Variants in ERBB3 observed in about 807,000 individuals in gnomAD.
ERBB3 encodes the protein erb-b2 receptor tyrosine kinase 3, also known as receptor tyrosine-protein kinase erbB-3.
ERBB3 carries 96 observed loss-of-function variants against 156.7 expected under a neutral mutation model. The observed-to-expected ratio is 0.61, with a 90% CI of 0.52 to 0.73. The LOEUF (loss-of-function observed/expected upper bound fraction) is 0.73, where lower values mean the gene tolerates loss of function less well. Among genes scored for constraint, ERBB3 ranks in the 30% least tolerant of loss-of-function variants. The pLI, the probability that ERBB3 is intolerant of heterozygous loss-of-function variation, is 0.00. For missense variants in ERBB3, 1,406 were observed against 1,709.4 expected, an observed-to-expected ratio of 0.82 and a Z score of 3.13; for synonymous variants, 567 against 632.0, an observed-to-expected ratio of 0.90 and a Z score of 1.54.
chr12:56,086,287 T>C (rs1476658036), intron 3 of ERBB3, among the ~76,000 whole-genome samples: 1 of 152,060 alleles, frequency 6.6e-6, no homozygotes, highest in East Asian at 1.9e-4. Context: ...TCTCCCTCTC[T>C]CCCTTCCCCT....
intron 23 of ERBB3, 126 bp from the exon 24 acceptor site, chr12:56,099,522 G>A: frequency 6.5e-6 from 5 of 775,060 alleles, no homozygotes; most frequent in African/African-American, 1.7e-5. Flanking sequence ...TGGTCTCAAA[G>A]TCCCGACCTC....
At chr12:56,090,201 T>C (rs916823778) in intron 9 of ERBB3, among the ~76,000 whole-genome samples, 2 of 150,898 alleles carry the variant, frequency 1.3e-5, no homozygotes, top group African/African-American at 4.9e-5. Flanking sequence ...GGTTTCACCA[T>C]GTAGGCCAGG....
At chr12:56,085,225 C>A in intron 3 of ERBB3, 44 bp downstream of exon 3, 1 of 1,614,026 alleles carries the variant, frequency 6.2e-7, no homozygotes, top group Non-Finnish European at 8.5e-7. Flanking sequence ...CTCAGCCAGC[C>A]CAAGACTGGT....
chr12:56,085,448 G>T, intron 3 of ERBB3: 1 of 1,413,848 alleles, frequency 7.1e-7, no homozygotes, highest in Non-Finnish European at 9.2e-7. Context: ...TAATTTCAAA[G>T]TACAGTGTAC....
At chr12:56,091,266 TTATATA>T (rs199547778) in intron 9 of ERBB3, among the ~76,000 whole-genome samples, 9 of 43,424 alleles carry the variant, frequency 2.1e-4, no homozygotes, top group South Asian at 1.3e-3. Context: ...TTGGCTAATT[TTATATA>T]TATATATATA....
chr12:56,103,385 C>T lies in ERBB3; in HGVS notation c.*1330C>T. On this transcript the variant is annotated 3_prime_UTR_variant, in exon 28 of 28. Coordinates refer to ENST00000267101, the MANE Select transcript of ERBB3 (RefSeq NM_001982.4). ...CAGGTAGGACAGAAAAAAGATCCAG[C>T]TTCAGCTGCACACCTCTGTCCCCTT... The T allele has an allele frequency of 4.6e-6, 1 of 218,412 alleles. No homozygotes were observed. Among genetic ancestry groups the T allele is most frequent in the South Asian group, 1.9e-4 (1 of 5,376 alleles). The allele number at this position is 218,412 out of a possible 1,614,324, so 13.5% of individuals were successfully genotyped here.
In ERBB3 at chr12:56,095,969, GGAA is replaced by G. The variant is rs572748001; in HGVS notation, c.2055+165_2055+167del. 576 of 766,368 alleles carry G rather than the reference GGAA, an allele frequency of 7.5e-4. 2 individuals are homozygous for G. The highest frequency in any genetic ancestry group is 6.2e-3 in the East Asian group (234 of 37,754). 47.5% of individuals were successfully genotyped at this position (766,368 alleles called of 1,614,324 possible). On this transcript the variant is annotated intron_variant, in intron 17 of 27. Coordinates refer to ENST00000267101, the MANE Select transcript of ERBB3 (RefSeq NM_001982.4). ...CCAGAGATTTGATCCCTTTCTTCAA[GGAA>G]GTAGTGTGGTCCCCTAGAAGAACAC...
chr12:56,086,451 G>A (rs1868489765), intron 3 of ERBB3, 80 bp from the exon 4 acceptor site: 2 of 1,563,836 alleles, frequency 1.3e-6, no homozygotes, highest in African/African-American at 1.4e-5. Context: ...AGTCTCAGGT[G>A]TCCTTTTGGA....
rs1200893484 is a variant in ERBB3 at position 56,088,803 on chromosome 12, T to C, written c.1044T>C (p.Ile348=). ...SRFQTVDSSN[I]DGFVNCTKIL... is the part of the protein sequence containing the mutation. ...TCCAGACTGTGGACTCGAGCAACAT[T>C]GATGGATTTGTGAACTGCACCAAGA... Residue 348 remains isoleucine, a synonymous_variant, in exon 9 of 28, where the codon ATT becomes ATC. Coordinates refer to ENST00000267101, the MANE Select transcript of ERBB3 (RefSeq NM_001982.4). 3 of 1,614,134 alleles carry C rather than the reference T, an allele frequency of 1.9e-6. No homozygotes were observed. The South Asian group carries it at 3.3e-5, about 18-fold the overall frequency.
intron 9 of ERBB3, among the ~76,000 whole-genome samples, chr12:56,091,600 A>T (rs186103138): frequency 7.6e-4 from 115 of 151,090 alleles, no homozygotes; most frequent in Non-Finnish European, 1.4e-3. Flanking sequence ...AGCCTCCCAA[A>T]GTGCTGGGAT....
rs568978172 is a variant in ERBB3, at chr12:56,080,182, C to T, written c.-119C>T. ...CTCCGATTGCAATTTGCAACCTCCGCTGCCGTCGCCGCAGCAGCCACCAAT... is the reference window on the plus strand; with the variant it reads ...CTCCGATTGCAATTTGCAACCTCCGTTGCCGTCGCCGCAGCAGCCACCAAT... On this transcript the variant is annotated 5_prime_UTR_variant, in exon 1 of 28. Coordinates refer to ENST00000267101, the MANE Select transcript of ERBB3 (RefSeq NM_001982.4). 1.9e-5 allele frequency: 15 copies of T among 802,336 alleles called. No homozygotes were observed. The African/African-American group carries it at 2.5e-4, about 14-fold the overall frequency. 49.7% of individuals were successfully genotyped at this position (802,336 alleles called of 1,614,324 possible).
rs2136818506 is a variant in ERBB3, at chr12:56,097,122, G to A, written c.2352G>A (p.Gln784=). The change falls in exon 20 of 28, where the codon CAG becomes CAA. Residue 784 remains glutamine, a synonymous_variant. Coordinates refer to ENST00000267101, the MANE Select transcript of ERBB3 (RefSeq NM_001982.4). ...LLGLCPGSSL[Q]LVTQYLPLGS... ...GACTATGCCCAGGGTCATCTCTGCA[G>A]CTTGTCACTCAATATTTGCCTCTGG... is the stretch of plus-strand genomic sequence containing the variant. 6.2e-7 allele frequency: 1 copy of A among 1,614,164 alleles called. No homozygotes were observed. Among genetic ancestry groups the A allele is most frequent in the Non-Finnish European group, 8.5e-7 (1 of 1,180,010 alleles).
intron 20 of ERBB3, among the ~76,000 whole-genome samples, chr12:56,097,549 G>T (rs952991880): frequency 6.6e-6 from 1 of 152,146 alleles, no homozygotes; most frequent in Non-Finnish European, 1.5e-5. Context: ...AAGGATCTAG[G>T]TTGTGCACTC....
In ERBB3 at chr12:56,102,819, A is replaced by C. The variant is rs890507206; in HGVS notation, c.*764A>C. On this transcript the variant is annotated 3_prime_UTR_variant, in exon 28 of 28. Transcript: ENST00000267101. Reference sequence around the variant, plus strand: ...CCCCCATCTCTTTAAAAAAAAAAAAAAAAAAAAAAAAAAAACTTTAGAACT... The same window carrying C: ...CCCCCATCTCTTTAAAAAAAAAAAACAAAAAAAAAAAAAAACTTTAGAACT... The C allele has an allele frequency of 2.8e-5, 6 of 213,724 alleles. No homozygotes were observed. Among genetic ancestry groups the C allele is most frequent in the African/African-American group, 1.4e-4 (6 of 43,890 alleles). The allele number at this position is 213,724 out of a possible 1,614,324, so 13.2% of individuals were successfully genotyped here.
chr12:56,093,191 GT>G, intron 11 of ERBB3, 115 bp downstream of exon 11: 2 of 1,145,362 alleles, frequency 1.7e-6, no homozygotes, highest in Non-Finnish European at 2.6e-6. Context: ...AAACCAAAGG[GT>G]TTCAGAGTTT....
chr12:56,093,744 A>T lies in ERBB3; in HGVS notation c.1481-20A>T, dbSNP rs569549786. On this transcript the variant is annotated intron_variant, in intron 12 of 27. Coordinates refer to ENST00000267101, the MANE Select transcript of ERBB3 (RefSeq NM_001982.4). ...TGGGAGTCCTCAGACTCCTCTCCTA[A>T]CCCACCCCTTCCTTTCCAGTGGCAG... The T allele has an allele frequency of 6.2e-7, 1 of 1,613,954 alleles. No homozygotes were observed. Among genetic ancestry groups the T allele is most frequent in the South Asian group, 1.1e-5 (1 of 91,070 alleles).
At position 56,080,252 on chromosome 12, in the gene ERBB3, G is replaced by C. The variant is rs1376734162; in HGVS notation, c.-49G>C. On this transcript the variant is annotated 5_prime_UTR_variant, in exon 1 of 28. Transcript: ENST00000267101. ...CTCTTGCCTCGATGTCCTAGCCTAG[G>C]GGCCCCCGGGCCGGACTTGGCTGGG... The C allele has an allele frequency of 6.8e-7, 1 of 1,473,268 alleles. No homozygotes were observed. The highest frequency in any genetic ancestry group is 2.0e-5 in the Admixed American group (1 of 50,952). The allele number at this position is 1,473,268 out of a possible 1,614,324, so 91.3% of individuals were successfully genotyped here.
chr12:56,080,411 C>T (rs1214014922), intron 1 of ERBB3, 29 bp downstream of exon 1: 3 of 1,545,434 alleles, frequency 1.9e-6, no homozygotes, highest in South Asian at 1.2e-5. Context: ...CCGGCGGGCT[C>T]GGCACCTGGG....
At chr12:56,086,369 C>A in intron 3 of ERBB3, 162 bp from the exon 4 acceptor site, 1 of 852,692 alleles carries the variant, frequency 1.2e-6, no homozygotes. Context: ...GACTCCTCAT[C>A]TTATAAAGGG....
Sources: allele counts gnomAD v4.1 joint callset (sites outside exome capture counted in the v4.1 genomes callset), GRCh38; gene constraint gnomAD v4.1.1; transcripts MANE v1.5; gene names NCBI Gene and HGNC (gene_info 2026-07-23, HGNC 2026-07-21).